The following VPS37A variants were observed in gnomAD, a reference collection of about 807,000 sequenced individuals.
The protein encoded by VPS37A is VPS37A subunit of ESCRT-I.
In VPS37A, 30 loss-of-function variants were observed where a neutral mutation model predicts 49.8. The ratio of observed to expected loss-of-function variants is 0.60; its 90% CI spans 0.45 to 0.82. The LOEUF is 0.82. VPS37A is among the 40% of genes least tolerant of loss of function. VPS37A has a pLI of 0.00. For synonymous variants in VPS37A, 195 were observed against 160.6 expected, an observed-to-expected ratio of 1.21 and a Z score of -1.62; for missense variants, 593 against 464.4, an observed-to-expected ratio of 1.28 and a Z score of -2.55.
At chr8:17,324,598 G>C in the VPS37A span, among the ~76,000 whole-genome samples, 2 of 152,208 alleles carry the variant, frequency 1.3e-5, no homozygotes, top group Non-Finnish European at 2.9e-5. Context: ...AGAGGCAAAA[G>C]CACACATACT....
At chr8:17,271,971 C>G in intron 4 of VPS37A, 3 of 456,476 alleles carry the variant, frequency 6.6e-6, no homozygotes, top group Non-Finnish European at 1.3e-5. Context: ...TAATTTCTCT[C>G]TCTTCTCACA....
intron 4 of VPS37A, among the ~76,000 whole-genome samples, chr8:17,271,335 G>A (rs1291548367): frequency 4.6e-5 from 7 of 152,124 alleles, no homozygotes; most frequent in South Asian, 4.1e-4. Context: ...GCTGGGCGCG[G>A]TGGCTCACGC....
the VPS37A span, among the ~76,000 whole-genome samples, chr8:17,327,231 A>G: frequency 6.6e-6 from 1 of 152,186 alleles, no homozygotes; most frequent in Non-Finnish European, 1.5e-5. Flanking sequence ...ATATTCTACT[A>G]TTATAAATAA....
chr8:17,265,305 T>C (rs1414086253), intron 1 of VPS37A, among the ~76,000 whole-genome samples: 1 of 152,230 alleles, frequency 6.6e-6, no homozygotes, highest in African/African-American at 2.4e-5. Context: ...CCCTACAACT[T>C]TCCTGTACAT....
At chr8:17,298,915 T>C (rs1445933512), downstream of VPS37A, 1 of 152,208 alleles carries the variant, frequency 6.6e-6, no homozygotes, top group African/African-American at 2.4e-5. Flanking sequence ...TCTAAAATGA[T>C]AGATTACAAA....
At chr8:17,310,839 C>A in the VPS37A span, among the ~76,000 whole-genome samples, 1 of 152,142 alleles carries the variant, frequency 6.6e-6, no homozygotes, top group African/African-American at 2.4e-5. Flanking sequence ...TCTACCAAAT[C>A]ATGGTTAAGA....
the VPS37A span, chr8:17,309,392 A>G: frequency 1.1e-4 from 125 of 1,112,594 alleles, 1 homozygote; most frequent in Admixed American, 1.5e-3. Flanking sequence ...CACACAACCA[A>G]TAATGTTGAG....
At chr8:17,318,694 C>CT in the VPS37A span, among the ~76,000 whole-genome samples, 1 of 152,152 alleles carries the variant, frequency 6.6e-6, no homozygotes, top group Non-Finnish European at 1.5e-5. Context: ...AGGTATTGTG[C>CT]ATGTTTGGAA....
At chr8:17,315,884 A>C in the VPS37A span, among the ~76,000 whole-genome samples, 1 of 152,174 alleles carries the variant, frequency 6.6e-6, no homozygotes. Context: ...TGAGTGGCAC[A>C]TGCCTACTGT....
At chr8:17,311,795 G>T in the VPS37A span, 1 of 1,128,428 alleles carries the variant, frequency 8.9e-7, no homozygotes, top group Non-Finnish European at 1.3e-6. Flanking sequence ...TTAGGGCAGA[G>T]CCAGAGTGGC....
downstream of VPS37A, among the ~76,000 whole-genome samples, chr8:17,301,052 A>C (rs1817077782): frequency 6.6e-6 from 1 of 152,146 alleles, no homozygotes; most frequent in African/African-American, 2.4e-5. Context: ...TTCAGAATAC[A>C]TTTCGCCAGA....
chr8:17,299,983 C>G (rs745944750), downstream of VPS37A: 2 of 1,614,156 alleles, frequency 1.2e-6, no homozygotes, highest in African/African-American at 1.3e-5. Flanking sequence ...CTCTTGGTCA[C>G]TGTTGGCTGA....
the VPS37A span, among the ~76,000 whole-genome samples, chr8:17,319,279 G>C: frequency 6.6e-6 from 1 of 152,148 alleles, no homozygotes; most frequent in Non-Finnish European, 1.5e-5. Flanking sequence ...TCCTCAAACA[G>C]TTGTGAAGAT....
chr8:17,280,531 G>T, intron 9 of VPS37A, 88 bp downstream of exon 9: 1 of 1,254,136 alleles, frequency 8.0e-7, no homozygotes, highest in East Asian at 2.4e-5. Flanking sequence ...ATTATCATCA[G>T]AAACCATTTA....
intron 9 of VPS37A, among the ~76,000 whole-genome samples, chr8:17,281,949 T>G (rs1481740149): frequency 6.6e-6 from 1 of 152,078 alleles, no homozygotes; most frequent in Non-Finnish European, 1.5e-5. Flanking sequence ...AGATCCATTA[T>G]TAAAAAGATT....
At chr8:17,268,811 CT>C in intron 3 of VPS37A, 44 bp from the exon 4 acceptor site, 1 of 1,297,432 alleles carries the variant, frequency 7.7e-7, no homozygotes. Context: ...ACTTTATAAT[CT>C]TTTTCTGGAA....
chr8:17,272,114 T>C (rs951837661), intron 4 of VPS37A: 2 of 456,084 alleles, frequency 4.4e-6, no homozygotes, highest in Non-Finnish European at 8.8e-6. Context: ...TGGTAAACTT[T>C]CCACTAATAA....
At chr8:17,273,220 A>T (rs1814177000) in intron 4 of VPS37A, among the ~76,000 whole-genome samples, 1 of 151,898 alleles carries the variant, frequency 6.6e-6, no homozygotes, top group Admixed American at 6.6e-5. Context: ...TCAAAAGCCC[A>T]TCCTACTTCA....
At position 17,286,550 on chromosome 8, in the gene VPS37A, A is replaced by T. The variant is rs1263237190; in HGVS notation, c.*123A>T. The T allele has an allele frequency of 1.7e-5, 13 of 743,314 alleles. No homozygotes were observed. The East Asian group carries it at 3.6e-4, about 20-fold the overall frequency. 46.0% of individuals were successfully genotyped at this position (743,314 alleles called of 1,614,324 possible). A position where few individuals can be genotyped will look rare whatever the true frequency, so the allele number is the denominator to read the frequency against. ...ATTCTGTCATTATAGTTACTGTGCT[A>T]TGTAACATAGAATGCTTTGTATTAT... On this transcript the variant is annotated intron_variant, in intron 11 of 11. Coordinates refer to ENST00000324849, the MANE Select transcript of VPS37A (RefSeq NM_152415.3).
Sources: gnomAD v4.1 joint callset for allele counts (sites outside exome capture counted in the v4.1 genomes callset) on GRCh38, gnomAD v4.1.1 for gene constraint, MANE v1.5 for transcripts, NCBI Gene and HGNC (gene_info 2026-07-23, HGNC 2026-07-21) for gene names.